ADAM15: variants seen among roughly 807,000 people sequenced by gnomAD.
ADAM15 encodes the protein disintegrin and metalloproteinase domain-containing protein 15.
Under a neutral mutation model 113.8 loss-of-function variants are expected in ADAM15, and 77 were observed. That is an observed-to-expected ratio of 0.68 (90% CI 0.56 to 0.82). The LOEUF (loss-of-function observed/expected upper bound fraction) is 0.82, where lower values mean the gene tolerates loss of function less well. Among genes scored for constraint, ADAM15 ranks in the 40% least tolerant of loss-of-function variants. The pLI, the probability that ADAM15 is intolerant of heterozygous loss-of-function variation, is 0.00. For synonymous variants in ADAM15, 388 were observed against 454.1 expected (o/e 0.85, Z 1.85); for missense variants, 963 against 1,120.1 (o/e 0.86, Z 2.00).
intron 19 of ADAM15, 45 bp downstream of exon 19, chr1:155,060,877 C>T: frequency 1.3e-6 from 2 of 1,569,386 alleles, no homozygotes; most frequent in Non-Finnish European, 1.7e-6. Context: ...CTTGGCCGGG[C>T]ATCCAGCTTG....
chr1:155,057,014 T>TG lies in ADAM15; in HGVS notation c.1064dup (p.Leu356ProfsTer4). On this transcript the variant is annotated frameshift_variant, in exon 11 of 23. Transcript: ENST00000356955. LOFTEE classifies it high-confidence loss of function. This position sits in a 1 kb window ranked among gnomAD's most constrained non-coding sequence, Gnocchi z 5.0. ...ATAGCCCATGAGTTGGGCCACAGCC[T>TG]GGGCCTGGACCATGATTTGCCTGGG... is the stretch of plus-strand genomic sequence containing the variant. The TG allele has an allele frequency of 6.2e-7, 1 of 1,606,920 alleles. No homozygotes were observed. The highest frequency in any genetic ancestry group is 8.5e-7 in the Non-Finnish European group (1 of 1,176,048).
intron 6 of ADAM15, 126 bp downstream of exon 6, chr1:155,054,632 T>C: frequency 9.8e-7 from 1 of 1,018,638 alleles, no homozygotes; most frequent in Non-Finnish European, 1.4e-6. Context: ...GCTGGGCACT[T>C]TGTGAACATT....
chr1:155,060,824 G>A lies in ADAM15; in HGVS notation c.2269G>A (p.Gly757Ser). 6.2e-7 allele frequency: 1 copy of A among 1,611,442 alleles called. No individual in the cohort carries two copies. The highest frequency in any genetic ancestry group is 8.5e-7 in the Non-Finnish European group (1 of 1,179,872). Residue 757 changes from glycine to serine, a missense_variant, in exon 19 of 23, where the codon GGC (glycine) becomes AGC (serine). Physicochemically the swap from Gly to Ser is moderately conservative, Grantham distance 56. Coordinates refer to ENST00000356955, the MANE Select transcript of ADAM15 (RefSeq NM_207197.3). ...TCCGCAGAGGGCCCTGCTGGCACGA[G>A]GCACTAAGGTGAGTCCTGGATGCCA... ...GPPQRALLARGTKQASALSFP... is the reference protein window; with the variant it reads ...GPPQRALLARSTKQASALSFP...
In ADAM15 at chr1:155,062,668, T is replaced by C. The variant is rs970055768; in HGVS notation, c.*166T>C. The C allele has an allele frequency of 2.0e-6, 2 of 1,000,062 alleles. No individual in the cohort carries two copies. Among genetic ancestry groups the C allele is most frequent in the Non-Finnish European group, 2.9e-6 (2 of 694,460 alleles). 61.9% of individuals were successfully genotyped at this position (1,000,062 alleles called of 1,614,324 possible). ...GCAACACTCTGCGGACCTGCCGGCG[T>C]AGTTGCAGCGGGGGCTTGGGGAGGG... On this transcript the variant is annotated 3_prime_UTR_variant, in exon 23 of 23. Transcript: ENST00000356955. The surrounding 1 kb of genome is among the most constrained non-coding windows in gnomAD (Gnocchi z 7.0).
intron 1 of ADAM15, chr1:155,052,427 G>A: frequency 7.0e-7 from 1 of 1,418,606 alleles, no homozygotes; most frequent in Non-Finnish European, 9.5e-7. Flanking sequence ...GAGGGCCACA[G>A]GCTGCGCAAG....
Position 155,052,652 on chromosome 1 carries a change from G to A in ADAM15, c.80-19G>A, listed in dbSNP as rs762166633. On this transcript the variant is annotated intron_variant, in intron 1 of 22. Coordinates refer to ENST00000356955, the MANE Select transcript of ADAM15 (RefSeq NM_207197.3). ...GTCGATTCCCTCAGTACTGTCTTGG[G>A]GTGTCCTGGGACCTGCAGGTGGCAC... The A allele has an allele frequency of 1.3e-6, 2 of 1,588,070 alleles. No homozygotes were observed. The highest frequency in any genetic ancestry group is 1.7e-6 in the Non-Finnish European group (2 of 1,167,878).
rs1466967795 is a variant in ADAM15 at position 155,057,881 on chromosome 1, A to G, written c.1447A>G (p.Thr483Ala). ...LRPSGWQCRPTRGDCDLPEFC... is the reference protein window; with the variant it reads ...LRPSGWQCRPARGDCDLPEFC... ...CCCGTCTGGCTGGCAGTGTCGTCCT[A>G]CCAGAGGGGATTGTGACTTGCCTGA... is the stretch of plus-strand genomic sequence containing the variant. The change falls in exon 14 of 23, where the codon ACC (threonine) becomes GCC (alanine). Residue 483 changes from threonine to alanine, a missense_variant. Coordinates refer to ENST00000356955, the MANE Select transcript of ADAM15 (RefSeq NM_207197.3). The surrounding 1 kb of genome is among the most constrained non-coding windows in gnomAD (Gnocchi z 5.0). The G allele has an allele frequency of 6.2e-7, 1 of 1,613,128 alleles. No homozygotes were observed. Among genetic ancestry groups the G allele is most frequent in the Admixed American group, 1.7e-5 (1 of 59,994 alleles).
chr1:155,057,836 A>C lies in ADAM15; in HGVS notation c.1417-15A>C. On this transcript the variant is annotated splice_polypyrimidine_tract_variant and intron_variant, in intron 13 of 22. Coordinates refer to ENST00000356955, the MANE Select transcript of ADAM15 (RefSeq NM_207197.3). The surrounding 1 kb of genome is among the most constrained non-coding windows in gnomAD (Gnocchi z 5.0). ...TTGCTCAGTGCCCACACTGATGCTCATCCACCCTCCACAGCTGCGCCCGTC... is the reference window on the plus strand; with the variant it reads ...TTGCTCAGTGCCCACACTGATGCTCCTCCACCCTCCACAGCTGCGCCCGTC... 6.2e-7 allele frequency: 1 copy of C among 1,612,734 alleles called. No homozygotes were observed.
In ADAM15 at chr1:155,054,213, T is replaced by C; in HGVS notation, c.406T>C (p.Cys136Arg). ...AGGCTCCTGGGTGTCCATCTGCACC[T>C]GCTCTGGGCTCAGGTATACTGGGCG... ...YAGSWVSICT[C>R]SGLRGLVVLT... is the part of the protein sequence containing the mutation. Residue 136 changes from cysteine to arginine, a missense_variant, in exon 5 of 23, where the codon TGC becomes CGC. By Grantham distance (180) the Cys-to-Arg change is radical. Coordinates refer to ENST00000356955, the MANE Select transcript of ADAM15 (RefSeq NM_207197.3). The C allele has an allele frequency of 6.2e-7, 1 of 1,603,654 alleles. No homozygotes were observed. Among genetic ancestry groups the C allele is most frequent in the Admixed American group, 1.8e-5 (1 of 56,166 alleles).
intron 1 of ADAM15, 144 bp from the exon 2 acceptor site, chr1:155,052,527 T>G: frequency 1.3e-6 from 2 of 1,546,966 alleles, no homozygotes; most frequent in East Asian, 4.9e-5. Flanking sequence ...TATTCTTCTT[T>G]AAGTCTCAGC....
chr1:155,052,420 G>A, intron 1 of ADAM15: 2 of 1,353,816 alleles, frequency 1.5e-6, no homozygotes, highest in Non-Finnish European at 2.0e-6. Context: ...GGACAAGGAG[G>A]GCCACAGGCT....
rs543300403 is a variant in ADAM15, at chr1:155,059,849, A to G, written c.1996-53A>G. ...CTGAGATCTTGAAAAGCTAGAGACA[A>G]GGAAATAGTTCCAGAGTGCAGAGCT... On this transcript the variant is annotated intron_variant, in intron 16 of 22. Transcript: ENST00000356955. The G allele has an allele frequency of 1.3e-5, 20 of 1,571,366 alleles. No homozygotes were observed. In the South Asian group the frequency reaches 2.1e-4, roughly 17 times the overall value.
At chr1:155,054,616 C>G in intron 6 of ADAM15, 110 bp downstream of exon 6, 1 of 1,216,668 alleles carries the variant, frequency 8.2e-7, no homozygotes, top group Non-Finnish European at 1.1e-6. Flanking sequence ...GGAGCACTTT[C>G]CACATGCTGG....
Position 155,052,713 on chromosome 1 carries a change from G to C in ADAM15, c.122G>C (p.Arg41Thr). 1.2e-6 allele frequency: 2 copies of C among 1,612,148 alleles called. No individual in the cohort carries two copies. The highest frequency in any genetic ancestry group is 2.2e-5 in the South Asian group (2 of 90,576). ...CAGGCAGAGTCAGAGAAGGCCCCGA[G>C]GGAGCCCTTGGAGCCCCAGGTCCTT... Reference protein sequence around the residue: ...EQQAESEKAPREPLEPQVLQD... With the variant: ...EQQAESEKAPTEPLEPQVLQD... The change falls in exon 2 of 23, where the codon AGG becomes ACG. Residue 41 changes from arginine (R) to threonine (T), a missense_variant. By Grantham distance (71) the Arg-to-Thr change is moderately conservative. Coordinates refer to ENST00000356955, the MANE Select transcript of ADAM15 (RefSeq NM_207197.3).
At position 155,057,508 on chromosome 1, in the gene ADAM15, G is replaced by A; in HGVS notation, c.1324-129G>A. 1 of 1,482,778 alleles carries A rather than the reference G, an allele frequency of 6.7e-7. No homozygotes were observed. The highest frequency in any genetic ancestry group is 1.2e-5 in the South Asian group (1 of 83,356). 91.9% of individuals were successfully genotyped at this position (1,482,778 alleles called of 1,614,324 possible). On this transcript the variant is annotated intron_variant, in intron 12 of 22. Coordinates refer to ENST00000356955, the MANE Select transcript of ADAM15 (RefSeq NM_207197.3). The surrounding 1 kb of genome is among the most constrained non-coding windows in gnomAD (Gnocchi z 5.0). ...TGCCCTGTCTGTGGGGACAGCACATGGGTTGTTGGGCTCTAGCCCTCGCTT... is the reference window on the plus strand; with the variant it reads ...TGCCCTGTCTGTGGGGACAGCACATAGGTTGTTGGGCTCTAGCCCTCGCTT...
At position 155,060,265 on chromosome 1, in the gene ADAM15, T is replaced by C. The variant is rs1162321847; in HGVS notation, c.2129T>C (p.Met710Thr). The change falls in exon 18 of 23, where the codon ATG becomes ACG. Residue 710 changes from methionine to threonine, a missense_variant. Physicochemically the swap from Met to Thr is moderately conservative, Grantham distance 81. Transcript: ENST00000356955. ...CTCCTGGTCTTATTGGTCCTGGTGA[T>C]GCTTGGTGCCAGCTACTGGTACCGT... ...LSLLVLLVLV[M>T]LGASYWYRAR... 6.2e-7 allele frequency: 1 copy of C among 1,614,012 alleles called. No individual in the cohort carries two copies. Among genetic ancestry groups the C allele is most frequent in the Non-Finnish European group, 8.5e-7 (1 of 1,180,018 alleles).
Position 155,054,627 on chromosome 1 carries a change from G to A in ADAM15, c.612+121G>A, listed in dbSNP as rs1357826662. On this transcript the variant is annotated intron_variant, in intron 6 of 22. Coordinates refer to ENST00000356955, the MANE Select transcript of ADAM15 (RefSeq NM_207197.3). ...GAATGGAGCACTTTCCACATGCTGG[G>A]CACTTTGTGAACATTAGCTCGTGTA... is the stretch of plus-strand genomic sequence containing the variant. 6 of 1,108,298 alleles carry A rather than the reference G, an allele frequency of 5.4e-6. No homozygotes were observed. In the East Asian group the frequency reaches 1.7e-4, roughly 31 times the overall value. 68.7% of individuals were successfully genotyped at this position (1,108,298 alleles called of 1,614,324 possible).
rs948760802 is a variant in ADAM15 at position 155,062,213 on chromosome 1, C to T, written c.2425-32C>T. On this transcript the variant is annotated intron_variant, in intron 21 of 22. Transcript: ENST00000356955. The surrounding 1 kb of genome is among the most constrained non-coding windows in gnomAD (Gnocchi z 7.0). ...GGGTGGGCAACATGACACCCCCCCACCTAAGCCGGCCTCCTGCCTTCTCTC... is the reference window on the plus strand; with the variant it reads ...GGGTGGGCAACATGACACCCCCCCATCTAAGCCGGCCTCCTGCCTTCTCTC... 6.9e-7 allele frequency: 1 copy of T among 1,446,766 alleles called. No homozygotes were observed. Among genetic ancestry groups the T allele is most frequent in the Non-Finnish European group, 9.1e-7 (1 of 1,096,970 alleles). 89.6% of individuals were successfully genotyped at this position (1,446,766 alleles called of 1,614,324 possible).
Position 155,056,549 on chromosome 1 carries a change from C to A in ADAM15, c.999+79C>A. 1 of 1,437,166 alleles carries A rather than the reference C, an allele frequency of 7.0e-7. No homozygotes were observed. 89.0% of individuals were successfully genotyped at this position (1,437,166 alleles called of 1,614,324 possible). A position where few individuals can be genotyped will look rare whatever the true frequency, so the allele number is the denominator to read the frequency against. ...GGTGGCATTTATGCACTGAAACCCC[C>A]CTATAAAGTTGCCCAACCCCAAAGC... On this transcript the variant is annotated intron_variant, in intron 10 of 22. Coordinates refer to ENST00000356955, the MANE Select transcript of ADAM15 (RefSeq NM_207197.3). This position sits in a 1 kb window ranked among gnomAD's most constrained non-coding sequence, Gnocchi z 4.0.
Sources: gnomAD v4.1 joint callset for allele counts on GRCh38, gnomAD v4.1.1 for gene constraint, Gnocchi (gnomAD v3.1) non-coding constraint, MANE v1.5 for transcripts, NCBI Gene and HGNC (gene_info 2026-07-23, HGNC 2026-07-21) for gene names.